GBP2: variants seen among roughly 807,000 people sequenced by gnomAD.
GBP2 encodes guanylate-binding protein 2.
In GBP2, 54 loss-of-function variants were observed where a neutral mutation model predicts 60.8. The observed-to-expected ratio is 0.89, with a 90% CI of 0.71 to 1.11. The LOEUF is 1.11. Among genes scored for constraint, GBP2 ranks in the 50% most tolerant of loss-of-function variants. The pLI is 0.00. For synonymous variants in GBP2, 243 were observed against 256.5 expected (o/e 0.95, Z 0.50); for missense variants, 665 against 703.3 (o/e 0.95, Z 0.62).
rs1681136085 is a variant in GBP2, at chr1:89,110,223, A to C, written c.1406T>G (p.Val469Gly). 6.2e-7 allele frequency: 1 copy of C among 1,613,786 alleles called. No individual in the cohort carries two copies. Among genetic ancestry groups the C allele is most frequent in the African/African-American group, 1.3e-5 (1 of 74,886 alleles). The change falls in exon 9 of 11, where the codon GTG becomes GGG. Residue 469 changes from valine to glycine, a missense_variant. Val to Gly is a moderately radical substitution (Grantham distance 109). Transcript: ENST00000370466. ...ATCAGTCTGTAGAAGTGCATCAGCC[A>C]CATCCTCCTTGGACTCCAAATATTT... ...LKKYLESKED[V>G]ADALLQTDQS...
intron 10 of GBP2, 125 bp downstream of exon 10, chr1:89,109,552 G>A: frequency 7.2e-6 from 5 of 695,406 alleles, no homozygotes; most frequent in Non-Finnish European, 1.2e-5. Context: ...AAATAGTTAG[G>A]GAAGGAAAAA....
intron 3 of GBP2, among the ~76,000 whole-genome samples, chr1:89,120,662 A>C (rs909137677): frequency 2.6e-5 from 4 of 152,198 alleles, no homozygotes; most frequent in African/African-American, 9.6e-5. Flanking sequence ...CTTTAATAAA[A>C]GCTTTCTATG....
At position 89,108,238 on chromosome 1, in the gene GBP2, T is replaced by C; in HGVS notation, c.1713A>G (p.Gln571=). 6.2e-7 allele frequency: 1 copy of C among 1,613,726 alleles called. No individual in the cohort carries two copies. Among genetic ancestry groups the C allele is most frequent in the East Asian group, 2.2e-5 (1 of 44,868 alleles). The change falls in exon 11 of 11, where the codon CAA becomes CAG. Residue 571 remains glutamine, a synonymous_variant. Coordinates refer to ENST00000370466, the MANE Select transcript of GBP2 (RefSeq NM_004120.5). The stretch of plus-strand genomic sequence containing the variant: ...TCATCTGGATATCCCATATGTCTTT[T>C]TGAAGTCTCTTGCTCTCATTCTCGA... ...EGFENESKRL[Q]KDIWDIQMRS... is the part of the protein sequence containing the mutation.
At position 89,113,171 on chromosome 1, in the gene GBP2, C is replaced by T. The variant is rs76625096; in HGVS notation, c.1150-487G>A. 7.4e-3 allele frequency: 1,164 copies of T among 157,758 alleles called. 11 individuals carry two copies. Among genetic ancestry groups the T allele is most frequent in the Non-Finnish European group, 0.012 (887 of 71,624 alleles). The allele number at this position is 157,758 out of a possible 1,614,324, so 9.8% of individuals were successfully genotyped here. ...ATGAGGTGATGTAAAGTATTAAGCC[C>T]GGGGACTTTTTAGAAGTGCTCAGTA... is the stretch of plus-strand genomic sequence containing the variant. On this transcript the variant is annotated intron_variant, in intron 7 of 10. Transcript: ENST00000370466.
rs1219246310 is a variant in GBP2 at position 89,121,163 on chromosome 1, C to T, written c.298G>A (p.Gly100Ser). The T allele has an allele frequency of 8.1e-6, 13 of 1,612,234 alleles. No individual in the cohort carries two copies. Among genetic ancestry groups the T allele is most frequent in the Middle Eastern group, 1.7e-4 (1 of 6,024 alleles). ...TTTACCTTCTCTATATCTCCCAGGC[C>T]CTCAGTGTCGAGCAGAACTAGGGTG... ...EHTLVLLDTE[G>S]LGDIEKGDNE... The change falls in exon 3 of 11, where the codon GGC becomes AGC. Residue 100 changes from glycine (G) to serine (S), a missense_variant. Transcript: ENST00000370466.
At chr1:89,122,018 G>T (rs1557443265) in intron 1 of GBP2, 35 bp from the exon 2 acceptor site, 1 of 1,500,926 alleles carries the variant, frequency 6.7e-7, no homozygotes, top group Non-Finnish European at 9.0e-7. Flanking sequence ...ATGGAAAGCA[G>T]TTTTTAGGTA....
rs754279399 is a variant in GBP2 at position 89,114,174 on chromosome 1, C to T, written c.991G>A (p.Ala331Thr). The change falls in exon 7 of 11, where the codon GCC (alanine) becomes ACC (threonine). Residue 331 changes from alanine (A) to threonine (T), a missense_variant. Ala to Thr is a moderately conservative substitution (Grantham distance 58, BLOSUM62 0). Coordinates refer to ENST00000370466, the MANE Select transcript of GBP2 (RefSeq NM_004120.5). ...TGGCCCATCTGCTGTTCATAGTGGG[C>T]AATAGCCTTTTCCACTGCGGCTGAG... ...ENSAAVEKAIAHYEQQMGQKV... is the reference protein window; with the variant it reads ...ENSAAVEKAITHYEQQMGQKV... 7 of 1,614,190 alleles carry T rather than the reference C, an allele frequency of 4.3e-6. No homozygotes were observed. Among genetic ancestry groups the T allele is most frequent in the Non-Finnish European group, 5.9e-6 (7 of 1,180,034 alleles).
intron 5 of GBP2, 146 bp downstream of exon 5, chr1:89,117,431 A>G: frequency 1.1e-6 from 1 of 892,288 alleles, no homozygotes; most frequent in Non-Finnish European, 1.7e-6. Flanking sequence ...TCCAACTGAT[A>G]TAGTCAAGCA....
chr1:89,114,046 A>G lies in GBP2; in HGVS notation c.1119T>C (p.Asp373=). Residue 373 remains aspartate, a synonymous_variant, in exon 7 of 11, where the codon GAT becomes GAC. Transcript: ENST00000370466. Reference sequence around the variant, plus strand: ...ATTTCCTCTGGAACATTTGGTCCACATCCTTGAAAGAGTTCTTCATGAAGA... The same window carrying G: ...ATTTCCTCTGGAACATTTGGTCCACGTCCTTGAAAGAGTTCTTCATGAAGA... ...IEVFMKNSFK[D]VDQMFQRKLG... is the part of the protein sequence containing the mutation. The G allele has an allele frequency of 6.2e-7, 1 of 1,614,192 alleles. No homozygotes were observed. The highest frequency in any genetic ancestry group is 1.1e-5 in the South Asian group (1 of 91,080).
intron 4 of GBP2, 178 bp from the exon 5 acceptor site, chr1:89,117,951 C>T: frequency 1.7e-6 from 1 of 576,614 alleles, no homozygotes; most frequent in East Asian, 3.0e-5. Context: ...ATGAACCAAG[C>T]ACTGCCCTAG....
chr1:89,108,956 C>T (rs534931117), intron 10 of GBP2, among the ~76,000 whole-genome samples: 153 of 150,202 alleles, frequency 1.0e-3, no homozygotes, highest in Non-Finnish European at 1.8e-3. Flanking sequence ...AGTGCAATGG[C>T]GCCATCTTGG....
At chr1:89,117,323 G>A in intron 5 of GBP2, 89 bp from the exon 6 acceptor site, 2 of 1,187,098 alleles carry the variant, frequency 1.7e-6, no homozygotes, top group South Asian at 1.5e-5. Flanking sequence ...CAAAGCCCAT[G>A]TAAGGAGGAA....
At chr1:89,115,159 A>G (rs1290915430) in intron 6 of GBP2, among the ~76,000 whole-genome samples, 2 of 152,160 alleles carry the variant, frequency 1.3e-5, no homozygotes, top group African/African-American at 4.8e-5. Context: ...CTAAACTCGA[A>G]ACGCTGGAGA....
At chr1:89,115,485 T>C (rs1681250647) in intron 6 of GBP2, among the ~76,000 whole-genome samples, 1 of 152,226 alleles carries the variant, frequency 6.6e-6, no homozygotes, top group South Asian at 2.1e-4. Context: ...AGACAAACTC[T>C]AATCTCCTCA....
At position 89,121,975 on chromosome 1, in the gene GBP2, T is replaced by C. The variant is rs752004424; in HGVS notation, c.-9A>G. ...TTGATCTCTGGAGCCATGTCCAGGG[T>C]GTTGTTCCCTTGTGTGCAAGGAAAA... On this transcript the variant is annotated 5_prime_UTR_variant, in exon 2 of 11. Coordinates refer to ENST00000370466, the MANE Select transcript of GBP2 (RefSeq NM_004120.5). 10 of 1,601,176 alleles carry C rather than the reference T, an allele frequency of 6.2e-6. No individual in the cohort carries two copies. Among genetic ancestry groups the C allele is most frequent in the Non-Finnish European group, 8.5e-6 (10 of 1,172,594 alleles).
chr1:89,112,916 C>G, intron 7 of GBP2: 1 of 557,320 alleles, frequency 1.8e-6, no homozygotes, highest in Non-Finnish European at 3.2e-6. Flanking sequence ...TTTCCTGTTT[C>G]AGAGAATGAT....
chr1:89,114,339 G>A, intron 6 of GBP2, 43 bp from the exon 7 acceptor site: 1 of 1,597,910 alleles, frequency 6.3e-7, no homozygotes, highest in East Asian at 2.2e-5. Context: ...ATCAGTTGGT[G>A]GGACAGAATA....
At chr1:89,118,362 TTAGA>T (rs1474970978) in intron 4 of GBP2, 2 of 152,248 alleles carry the variant, frequency 1.3e-5, no homozygotes, top group African/African-American at 4.8e-5. Flanking sequence ...TTCAAGGCCC[TTAGA>T]TAGGAAATTA....
chr1:89,117,579 T>G lies in GBP2; in HGVS notation c.623A>C (p.Lys208Thr). ...DYLELSLKLRKGTDKKSKSFN... is the reference protein window; with the variant it reads ...DYLELSLKLRTGTDKKSKSFN... The stretch of plus-strand genomic sequence containing the variant: ...AACCAAGCATCAGACCCAGTAACCT[T>G]TTCTTAGCTTTAGCGAAAGCTCCAA... The change falls in exon 5 of 11, where the codon AAA (lysine) becomes ACA (threonine). Residue 208 changes from lysine (K) to threonine (T), a missense_variant and splice_region_variant. Coordinates refer to ENST00000370466, the MANE Select transcript of GBP2 (RefSeq NM_004120.5). 1.2e-6 allele frequency: 2 copies of G among 1,612,504 alleles called. No individual in the cohort carries two copies. The highest frequency in any genetic ancestry group is 1.7e-6 in the Non-Finnish European group (2 of 1,179,304).
Sources: gnomAD v4.1 joint callset for allele counts (sites outside exome capture counted in the v4.1 genomes callset) on GRCh38, gnomAD v4.1.1 for gene constraint, MANE v1.5 for transcripts, NCBI Gene and HGNC (gene_info 2026-07-23, HGNC 2026-07-21) for gene names.